SLC12A1: variants seen among roughly 807,000 people sequenced by gnomAD.
SLC12A1 encodes solute carrier family 12 member 1, also known as Na-K-2Cl cotransporter.
SLC12A1 carries 89 observed loss-of-function variants against 130.4 expected under a neutral mutation model. That is an observed-to-expected ratio of 0.68 (90% confidence interval 0.58 to 0.81). SLC12A1 has a LOEUF of 0.81. Ranked by LOEUF, SLC12A1 falls within the 40% of genes least tolerant of loss-of-function variation. SLC12A1 has a pLI of 0.00. For synonymous variants in SLC12A1, 499 were observed against 460.0 expected, an observed-to-expected ratio of 1.08 and a Z score of -1.09; for missense variants, 1,310 against 1,336.4, an observed-to-expected ratio of 0.98 and a Z score of 0.31.
intron 9 of SLC12A1, 121 bp downstream of exon 9, chr15:48,235,125 C>T: frequency 9.6e-7 from 1 of 1,038,984 alleles, no homozygotes; most frequent in Non-Finnish European, 1.5e-6. Context: ...TAGGTTTCTG[C>T]AAGATTTCCT....
chr15:48,302,416 C>T (rs1038730918), intron 26 of SLC12A1, among the ~76,000 whole-genome samples: 1 of 150,574 alleles, frequency 6.6e-6, no homozygotes, highest in South Asian at 2.1e-4. Context: ...GTCAGGAGAT[C>T]GAGACCATCC....
At chr15:48,240,091 C>CTG (rs2041496355) in intron 9 of SLC12A1, among the ~76,000 whole-genome samples, 1 of 49,584 alleles carries the variant, frequency 2.0e-5, no homozygotes, top group South Asian at 5.5e-4. Context: ...ATATATATAT[C>CTG]CATATATATA....
At chr15:48,210,260 A>T (rs1397230004) in intron 2 of SLC12A1, among the ~76,000 whole-genome samples, 1 of 152,186 alleles carries the variant, frequency 6.6e-6, no homozygotes, top group Non-Finnish European at 1.5e-5. Flanking sequence ...GTTCTTTTTT[A>T]AAAAGACCTG....
At chr15:48,219,926 C>T (rs150152946) in intron 2 of SLC12A1, among the ~76,000 whole-genome samples, 66 of 151,412 alleles carry the variant, frequency 4.4e-4, no homozygotes, top group African/African-American at 1.5e-3. Context: ...TGGTGGTGCG[C>T]GCCTGTAATC....
intron 2 of SLC12A1, among the ~76,000 whole-genome samples, chr15:48,208,651 A>T (rs2041012166): frequency 6.6e-6 from 1 of 152,218 alleles, no homozygotes; most frequent in African/African-American, 2.4e-5. Context: ...GAACTAAAGA[A>T]TTAACTCTAA....
intron 2 of SLC12A1, among the ~76,000 whole-genome samples, chr15:48,212,381 T>C (rs1029537356): frequency 2.6e-5 from 4 of 152,180 alleles, no homozygotes; most frequent in African/African-American, 9.7e-5. Flanking sequence ...TAACTTTCTG[T>C]TTATATTTAT....
At chr15:48,234,451 A>ATTCCATT (rs1293208854) in intron 8 of SLC12A1, among the ~76,000 whole-genome samples, 5 of 152,184 alleles carry the variant, frequency 3.3e-5, no homozygotes, top group African/African-American at 1.2e-4. Flanking sequence ...CATTTAGAAT[A>ATTCCATT]TAGGAATGTG....
chr15:48,267,411 T>C, intron 17 of SLC12A1, 150 bp from the exon 18 acceptor site: 1 of 781,864 alleles, frequency 1.3e-6, no homozygotes, highest in Non-Finnish European at 2.0e-6. Context: ...AAAGGCTGAA[T>C]CTGTGGAACC....
At chr15:48,254,000 A>G (rs553490944) in intron 15 of SLC12A1, among the ~76,000 whole-genome samples, 1 of 152,220 alleles carries the variant, frequency 6.6e-6, no homozygotes, top group Admixed American at 6.5e-5. Context: ...TTGTTTTATT[A>G]TTATTCAGTA....
chr15:48,299,558 A>T (rs189821778), intron 25 of SLC12A1, among the ~76,000 whole-genome samples: 16 of 152,338 alleles, frequency 1.1e-4, no homozygotes, highest in Admixed American at 9.2e-4. Context: ...AAAGAGCAGG[A>T]GACAGACTCA....
At chr15:48,298,196 ATTCTAAAATTACTAAATTATAAC>A (rs2042197757) in intron 24 of SLC12A1, among the ~76,000 whole-genome samples, 1 of 152,180 alleles carries the variant, frequency 6.6e-6, no homozygotes, top group African/African-American at 2.4e-5. Context: ...ATTATTATTC[ATTCTAAAATTACTAAATTATAAC>A]TAAGCTACAT....
chr15:48,236,017 A>C (rs1343655649), intron 9 of SLC12A1, among the ~76,000 whole-genome samples: 1 of 152,112 alleles, frequency 6.6e-6, no homozygotes, highest in Non-Finnish European at 1.5e-5. Flanking sequence ...CCACATGCCC[A>C]GATAAAATTT....
intron 24 of SLC12A1, among the ~76,000 whole-genome samples, chr15:48,297,632 C>G (rs992860031): frequency 1.3e-5 from 2 of 152,226 alleles, no homozygotes; most frequent in African/African-American, 2.4e-5. Flanking sequence ...AAACAGAAAG[C>G]CTCTCCATTG....
intron 5 of SLC12A1, 73 bp downstream of exon 5, chr15:48,226,644 T>TCCCATCAAAAA: frequency 1.1e-6 from 1 of 896,614 alleles, no homozygotes; most frequent in Non-Finnish European, 1.8e-6. Flanking sequence ...TACTTCTTTT[T>TCCCATCAAAAA]GATGGGAACA....
intron 24 of SLC12A1, among the ~76,000 whole-genome samples, chr15:48,294,969 T>C (rs1288970211): frequency 6.8e-6 from 1 of 147,276 alleles, no homozygotes; most frequent in Non-Finnish European, 1.5e-5. Flanking sequence ...AGGTTGCAGG[T>C]GGTACAATCA....
At chr15:48,209,420 C>T (rs2041025203) in intron 2 of SLC12A1, among the ~76,000 whole-genome samples, 1 of 152,156 alleles carries the variant, frequency 6.6e-6, no homozygotes, top group Non-Finnish European at 1.5e-5. Context: ...CCAAAATATA[C>T]TGATCACCTT....
intron 13 of SLC12A1, among the ~76,000 whole-genome samples, chr15:48,248,099 C>T (rs1459887598): frequency 1.3e-5 from 2 of 152,192 alleles, no homozygotes; most frequent in African/African-American, 4.8e-5. Flanking sequence ...CTCCCTAAGG[C>T]CCCACTTTTG....
At chr15:48,254,155 CTTT>C (rs969047193) in intron 15 of SLC12A1, among the ~76,000 whole-genome samples, 5 of 145,574 alleles carry the variant, frequency 3.4e-5, no homozygotes, top group African/African-American at 1.0e-4. Context: ...TCTAATTTAT[CTTT>C]TTTTTTTAAT....
At chr15:48,289,965 T>G (rs891285200) in intron 23 of SLC12A1, among the ~76,000 whole-genome samples, 1 of 152,210 alleles carries the variant, frequency 6.6e-6, no homozygotes, top group Non-Finnish European at 1.5e-5. Context: ...ATTTTTTTCT[T>G]CAATAATAAA....
Sources: gnomAD v4.1 joint callset for allele counts (sites outside exome capture counted in the v4.1 genomes callset) on GRCh38, gnomAD v4.1.1 for gene constraint, MANE v1.5 for transcripts, NCBI Gene and HGNC (gene_info 2026-07-23, HGNC 2026-07-21) for gene names.